Variants in CLDN14 observed in about 807,000 individuals in gnomAD.
CLDN14 encodes the protein claudin-14.
CLDN14 carries 2 observed loss-of-function variants against 2.1 expected under a neutral mutation model. The observed-to-expected ratio is 0.96, with a 90% confidence interval of 0.39 to 3.01. The LOEUF (loss-of-function observed/expected upper bound fraction) is 3.01. CLDN14 is among the 30% of genes most tolerant of loss of function. The probability of loss-of-function intolerance (pLI) is 0.09; values close to 1 mark genes in which losing one functional copy is unlikely to be tolerated. For synonymous variants in CLDN14, 136 were observed against 154.4 expected (o/e 0.88, Z 0.88); for missense variants, 298 against 328.0 (o/e 0.91, Z 0.71).
intron 2 of CLDN14, chr21:36,486,122 G>A (rs577840391): frequency 4.4e-5 from 58 of 1,323,210 alleles, no homozygotes; most frequent in Middle Eastern, 1.8e-4. Flanking sequence ...AAGGAACTCA[G>A]GATCCTGCAT....
rs2087514320 is a variant in CLDN14, at chr21:36,544,546, A to T, written c.-220+31865T>A. Reference sequence around the variant, plus strand: ...AAATTTGAGGCTGGGGAGAATTTGAATTTTCCTGTGCACTAACCACAGGCA... The same window carrying T: ...AAATTTGAGGCTGGGGAGAATTTGATTTTTCCTGTGCACTAACCACAGGCA... On this transcript the variant is annotated intron_variant, in intron 1 of 2. Coordinates refer to the CLDN14 transcript ENST00000342108. This position sits in a 1 kb window ranked among gnomAD's most constrained non-coding sequence, Gnocchi z 4.1. Among the ~76,000 whole-genome samples the T allele has an allele frequency of 6.6e-6, 1 of 152,170 alleles. No homozygotes were observed. Among genetic ancestry groups the T allele is most frequent in the South Asian group, 2.1e-4 (1 of 4,828 alleles).
intron 2 of CLDN14, among the ~76,000 whole-genome samples, chr21:36,494,040 G>A (rs1345907828): frequency 6.6e-6 from 1 of 152,220 alleles, no homozygotes; most frequent in African/African-American, 2.4e-5. Context: ...GAGCCCCCAA[G>A]AGCAGGACCT....
At chr21:36,492,138 T>C (rs954626603) in intron 2 of CLDN14, among the ~76,000 whole-genome samples, 3 of 147,448 alleles carry the variant, frequency 2.0e-5, no homozygotes, top group Non-Finnish European at 4.4e-5. Context: ...ACTCTGTCTC[T>C]AAAAAAAATG....
intron 1 of CLDN14, among the ~76,000 whole-genome samples, chr21:36,539,497 CAG>C (rs10593256): frequency 0.66 from 91,077 of 138,460 alleles, 28,667 homozygotes; most frequent in Middle Eastern, 0.81. Flanking sequence ...TGTGTGTGTG[CAG>C]AGTGTGTGGA....
intron 1 of CLDN14, among the ~76,000 whole-genome samples, chr21:36,475,206 G>A (rs1277329615): frequency 6.6e-6 from 1 of 152,192 alleles, no homozygotes; most frequent in East Asian, 1.9e-4. Context: ...GACTGGACCT[G>A]GTGGGGATTT....
intron 2 of CLDN14, chr21:36,486,433 T>G (rs773207433): frequency 1.3e-5 from 18 of 1,418,688 alleles, no homozygotes; most frequent in Non-Finnish European, 1.1e-5. Flanking sequence ...TGCTCCTCCA[T>G]AGAAACCCGA....
intron 2 of CLDN14, among the ~76,000 whole-genome samples, chr21:36,508,317 A>G (rs1234388879): frequency 6.6e-6 from 1 of 152,210 alleles, no homozygotes; most frequent in Non-Finnish European, 1.5e-5. Flanking sequence ...TCAAAAAGCT[A>G]CTTTCCAGGC....
intron 1 of CLDN14, among the ~76,000 whole-genome samples, chr21:36,463,432 C>G (rs765225896): frequency 6.6e-6 from 1 of 152,224 alleles, no homozygotes; most frequent in South Asian, 2.1e-4. Context: ...AAATCCCCAT[C>G]GGGGCTCGGC....
chr21:36,464,835 G>A (rs866154947), intron 1 of CLDN14, among the ~76,000 whole-genome samples: 4 of 152,210 alleles, frequency 2.6e-5, no homozygotes, highest in Admixed American at 2.6e-4. Flanking sequence ...TCTGTGCCTG[G>A]CCTGGCTAGT....
intron 2 of CLDN14, among the ~76,000 whole-genome samples, chr21:36,492,813 G>A (rs188414758): frequency 1.1e-3 from 173 of 152,300 alleles, no homozygotes; most frequent in Non-Finnish European, 2.0e-3. Flanking sequence ...CAGGACCTGG[G>A]ACCAGCAAGG....
At chr21:36,516,415 A>G (rs1049966832) in intron 1 of CLDN14, among the ~76,000 whole-genome samples, 7 of 152,188 alleles carry the variant, frequency 4.6e-5, no homozygotes, top group Non-Finnish European at 8.8e-5. Flanking sequence ...GATATTGTCC[A>G]TGGTTCTGCT....
At chr21:36,538,529 G>A (rs1029972809) in intron 1 of CLDN14, among the ~76,000 whole-genome samples, 2 of 152,086 alleles carry the variant, frequency 1.3e-5, no homozygotes, top group Non-Finnish European at 1.5e-5. Context: ...CAAGAGAATC[G>A]CTTGAACCCG....
intron 1 of CLDN14, among the ~76,000 whole-genome samples, chr21:36,571,419 T>C (rs1243048254): frequency 6.6e-6 from 1 of 152,244 alleles, no homozygotes; most frequent in Non-Finnish European, 1.5e-5. Context: ...TCATACAATG[T>C]CATGTGGAGG....
upstream of CLDN14, among the ~76,000 whole-genome samples, chr21:36,482,371 CGGATGGATGGATGGAT>C (rs59947271): frequency 1.6e-3 from 226 of 137,200 alleles, 1 homozygote; most frequent in Middle Eastern, 7.9e-3. Context: ...GATAGACTGA[CGGATGGATGGATGGAT>C]GGATGGATGG....
intron 2 of CLDN14, among the ~76,000 whole-genome samples, chr21:36,502,926 T>C (rs1196960157): frequency 6.6e-6 from 1 of 152,250 alleles, no homozygotes; most frequent in Non-Finnish European, 1.5e-5. Flanking sequence ...TCTTAATGAA[T>C]GGGCCCCACT....
chr21:36,569,997 C>T (rs533760149), intron 1 of CLDN14, among the ~76,000 whole-genome samples: 3 of 152,316 alleles, frequency 2.0e-5, no homozygotes, highest in South Asian at 2.1e-4. Flanking sequence ...CATGTGCCCA[C>T]GGCGGTCAGG....
chr21:36,486,723 G>T, intron 2 of CLDN14: 2 of 1,100,410 alleles, frequency 1.8e-6, no homozygotes, highest in Non-Finnish European at 1.4e-6. Flanking sequence ...AATTTAGCCA[G>T]TTTCACCAGA....
At chr21:36,567,048 T>C (rs780413190) in intron 1 of CLDN14, among the ~76,000 whole-genome samples, 6 of 152,178 alleles carry the variant, frequency 3.9e-5, no homozygotes, top group Non-Finnish European at 8.8e-5. Context: ...CATATCTTCA[T>C]CCCATCGTGA....
intron 1 of CLDN14, among the ~76,000 whole-genome samples, chr21:36,523,773 G>GAA (rs2087294533): frequency 6.4e-5 from 1 of 15,690 alleles, no homozygotes; most frequent in Non-Finnish European, 2.7e-4. Context: ...GAAAGAAAGA[G>GAA]AGAAAGAGAG....
Sources: allele counts gnomAD v4.1 joint callset (sites outside exome capture counted in the v4.1 genomes callset), GRCh38; gene constraint gnomAD v4.1.1; non-coding constraint Gnocchi (gnomAD v3.1); transcripts MANE v1.5; gene names NCBI Gene and HGNC (gene_info 2026-07-23, HGNC 2026-07-21).